The following RABL3 variants were observed in gnomAD, a reference collection of about 807,000 sequenced individuals.
RABL3 encodes RAB, member of RAS oncogene family like 3, also known as rab-like protein 3.
Under a neutral mutation model 31.8 loss-of-function variants are expected in RABL3, and 31 were observed. The ratio of observed to expected loss-of-function variants is 0.97; its 90% CI spans 0.73 to 1.31. The LOEUF (loss-of-function observed/expected upper bound fraction) is 1.31. Ranked by LOEUF, RABL3 falls within the 40% of genes most tolerant of loss-of-function variation. The pLI, the probability that RABL3 is intolerant of heterozygous loss-of-function variation, is 0.00. For missense variants in RABL3, 263 were observed against 279.6 expected, an observed-to-expected ratio of 0.94 and a Z score of 0.42; for synonymous variants, 97 against 99.9, an observed-to-expected ratio of 0.97 and a Z score of 0.18.
Position 120,686,001 on chromosome 3 carries a change from T to G in RABL3, c.*3822A>C, listed in dbSNP as rs1488109621. Among the ~76,000 whole-genome samples, 1 of 152,204 alleles carries G rather than the reference T, an allele frequency of 6.6e-6. No homozygotes were observed. The highest frequency in any genetic ancestry group is 1.9e-4 in the East Asian group (1 of 5,182). ...GTCCTTAATGGAGGTGCAGATTAAT[T>G]GTAACTGGATGTCCAATTCCTTTAC... On this transcript the variant is annotated 3_prime_UTR_variant, in exon 8 of 8. Transcript: ENST00000273375.
chr3:120,699,079 A>C (rs1218040145), intron 4 of RABL3, among the ~76,000 whole-genome samples: 1 of 152,168 alleles, frequency 6.6e-6, no homozygotes, highest in Non-Finnish European at 1.5e-5. Flanking sequence ...TATCTACAAT[A>C]CACATTTCTG....
rs555777558 is a variant in RABL3, at chr3:120,719,586, G to A, written c.139-9677C>T. On this transcript the variant is annotated intron_variant, in intron 2 of 7. Coordinates refer to ENST00000273375, the MANE Select transcript of RABL3 (RefSeq NM_173825.5). ...CTGGCTCGAAGGGTCCTACGCCCAC[G>A]AAGCCTCGCTCATTGCTAGCACAGC... Among the ~76,000 whole-genome samples, 12 of 152,330 alleles carry A rather than the reference G, an allele frequency of 7.9e-5. No homozygotes were observed. The South Asian group carries it at 2.5e-3, about 32-fold the overall frequency.
chr3:120,686,552 C>T lies in RABL3; in HGVS notation c.*3271G>A, dbSNP rs1321620776. 6.6e-6 allele frequency: 1 copy of T among 152,178 alleles called. No homozygotes were observed. The highest frequency in any genetic ancestry group is 1.5e-5 in the Non-Finnish European group (1 of 68,024). 9.4% of individuals were successfully genotyped at this position (152,178 alleles called of 1,614,324 possible). A position where few individuals can be genotyped will look rare whatever the true frequency, so the allele number is the denominator to read the frequency against. ...CCTCAAGTTTGAGGAATTCTAAGAACCCGAGCTAAAGCTAATATGGATCAA... is the reference window on the plus strand; with the variant it reads ...CCTCAAGTTTGAGGAATTCTAAGAATCCGAGCTAAAGCTAATATGGATCAA... On this transcript the variant is annotated 3_prime_UTR_variant, in exon 8 of 8. Transcript: ENST00000273375.
At chr3:120,734,529 C>T (rs930936858) in intron 1 of RABL3, among the ~76,000 whole-genome samples, 3 of 152,140 alleles carry the variant, frequency 2.0e-5, no homozygotes, top group African/African-American at 4.8e-5. Context: ...ATTGAATACC[C>T]TTTATTTCCT....
At chr3:120,719,934 C>A (rs1211836984) in intron 2 of RABL3, among the ~76,000 whole-genome samples, 1 of 152,218 alleles carries the variant, frequency 6.6e-6, no homozygotes, top group Non-Finnish European at 1.5e-5. Flanking sequence ...GAGACACCCC[C>A]CAGTAGGGGC....
chr3:120,733,155 A>T (rs765176248), intron 1 of RABL3, among the ~76,000 whole-genome samples: 20 of 152,148 alleles, frequency 1.3e-4, no homozygotes, highest in Non-Finnish European at 2.9e-4. Context: ...TCCACAATGG[A>T]TGAACTAGTT....
rs753303978 is a variant in RABL3 at position 120,690,408 on chromosome 3, A to G, written c.645+41T>C. The G allele has an allele frequency of 2.1e-5, 30 of 1,435,042 alleles. 1 individual carries two copies. The South Asian group carries it at 3.5e-4, about 17-fold the overall frequency. 88.9% of individuals were successfully genotyped at this position (1,435,042 alleles called of 1,614,324 possible). A position where few individuals can be genotyped will look rare whatever the true frequency, so the allele number is the denominator to read the frequency against. On this transcript the variant is annotated intron_variant, in intron 7 of 7. Transcript: ENST00000273375. ...AACTTAAATTTGGAAATCACCTATC[A>G]AAATTTAAGAATCTATTTTATCAAG... is the stretch of plus-strand genomic sequence containing the variant.
At chr3:120,715,538 AAAT>A (rs375054690) in intron 2 of RABL3, among the ~76,000 whole-genome samples, 6 of 151,816 alleles carry the variant, frequency 4.0e-5, no homozygotes, top group Admixed American at 6.6e-5. Context: ...CTCTTTTTCA[AAAT>A]AATAATAATA....
intron 1 of RABL3, among the ~76,000 whole-genome samples, chr3:120,733,836 T>A (rs537023169): frequency 6.6e-6 from 1 of 152,332 alleles, no homozygotes; most frequent in East Asian, 1.9e-4. Context: ...TGCTTGTTTT[T>A]CTCAGGTTTG....
intron 1 of RABL3, among the ~76,000 whole-genome samples, chr3:120,739,864 C>T (rs1215304938): frequency 6.6e-6 from 1 of 152,120 alleles, no homozygotes. Context: ...GTAAACATTT[C>T]CAGGCAGTAG....
intron 2 of RABL3, among the ~76,000 whole-genome samples, chr3:120,727,683 T>C (rs1047824285): frequency 2.0e-5 from 3 of 151,136 alleles, no homozygotes; most frequent in African/African-American, 7.2e-5. Flanking sequence ...TGAATTTAGA[T>C]GCAAATGTCT....
chr3:120,689,639 CAG>C lies in RABL3; in HGVS notation c.*182_*183del. On this transcript the variant is annotated 3_prime_UTR_variant, in exon 8 of 8. Coordinates refer to ENST00000273375, the MANE Select transcript of RABL3 (RefSeq NM_173825.5). ...ACAGAAAGGTAAGGAACACAGAGAA[CAG>C]GGACAAAGTTTGGACCTCCCGTATT... 1 of 536,876 alleles carries C rather than the reference CAG, an allele frequency of 1.9e-6. No individual in the cohort carries two copies. Among genetic ancestry groups the C allele is most frequent in the Non-Finnish European group, 3.4e-6 (1 of 298,292 alleles). 33.3% of individuals were successfully genotyped at this position (536,876 alleles called of 1,614,324 possible). A position where few individuals can be genotyped will look rare whatever the true frequency, so the allele number is the denominator to read the frequency against.
intron 1 of RABL3, among the ~76,000 whole-genome samples, chr3:120,732,719 CT>C (rs1364916915): frequency 7.1e-6 from 1 of 140,416 alleles, no homozygotes; most frequent in Non-Finnish European, 1.5e-5. Context: ...CCCCCTCCCC[CT>C]ACCCCACAAC....
chr3:120,737,680 GAGTC>G (rs748786900), intron 1 of RABL3, among the ~76,000 whole-genome samples: 6 of 152,170 alleles, frequency 3.9e-5, no homozygotes, highest in Non-Finnish European at 5.9e-5. Flanking sequence ...TTTGATGATG[GAGTC>G]GGACAGATGG....
chr3:120,736,419 T>C (rs1393026093), intron 1 of RABL3, among the ~76,000 whole-genome samples: 2 of 152,242 alleles, frequency 1.3e-5, no homozygotes, highest in Admixed American at 6.5e-5. Flanking sequence ...CATCCCTTTA[T>C]TTTGAGCCTA....
At chr3:120,725,586 G>C (rs1403586705) in intron 2 of RABL3, among the ~76,000 whole-genome samples, 5 of 152,172 alleles carry the variant, frequency 3.3e-5, no homozygotes, top group African/African-American at 1.2e-4. Context: ...AGAAAATGTG[G>C]CACATATACA....
intron 4 of RABL3, among the ~76,000 whole-genome samples, chr3:120,703,066 A>C (rs905504382): frequency 2.0e-5 from 3 of 152,164 alleles, no homozygotes; most frequent in African/African-American, 7.2e-5. Flanking sequence ...GAAGTGTGAG[A>C]AAGCAACCCC....
chr3:120,722,022 AC>A (rs1230544492), intron 2 of RABL3: 1 of 152,184 alleles, frequency 6.6e-6, no homozygotes, highest in African/African-American at 2.4e-5. Context: ...GGATTAAGAA[AC>A]ATACTCGTAG....
At chr3:120,694,886 G>A (rs938966725) in intron 5 of RABL3, among the ~76,000 whole-genome samples, 3 of 151,036 alleles carry the variant, frequency 2.0e-5, no homozygotes, top group African/African-American at 4.9e-5. Context: ...GGGACAAAAC[G>A]ATCTGGAACA....
Sources: gnomAD v4.1 joint callset for allele counts (sites outside exome capture counted in the v4.1 genomes callset) on GRCh38, gnomAD v4.1.1 for gene constraint, MANE v1.5 for transcripts, NCBI Gene and HGNC (gene_info 2026-07-23, HGNC 2026-07-21) for gene names.